The following RFC3 variants were observed in gnomAD, a reference collection of about 807,000 sequenced individuals.
RFC3 encodes A1 38 kDa subunit.
Under a neutral mutation model 45.1 loss-of-function variants are expected in RFC3, and 41 were observed. The ratio of observed to expected loss-of-function variants is 0.91; its 90% CI spans 0.71 to 1.18. The LOEUF is 1.18. Ranked by LOEUF, RFC3 falls within the 50% of genes most tolerant of loss-of-function variation. The probability of loss-of-function intolerance (pLI) is 0.00; values close to 1 mark genes in which losing one functional copy is unlikely to be tolerated. For missense variants in RFC3, 423 were observed against 428.1 expected, an observed-to-expected ratio of 0.99 and a Z score of 0.10; for synonymous variants, 149 against 144.0, an observed-to-expected ratio of 1.03 and a Z score of -0.25.
intron 8 of RFC3, among the ~76,000 whole-genome samples, chr13:33,890,444 A>G (rs1408955271): frequency 6.6e-6 from 1 of 152,190 alleles, no homozygotes; most frequent in African/African-American, 2.4e-5. Flanking sequence ...AGAAGGGATT[A>G]TATCCTAGAT....
chr13:33,818,405 G>A (rs2081968591), intron 1 of RFC3, 140 bp downstream of exon 1: 1 of 641,438 alleles, frequency 1.6e-6, no homozygotes, highest in Non-Finnish European at 2.7e-6. Flanking sequence ...AGGGAAGGGG[G>A]AAGAGGTGTG....
chr13:33,867,234 C>T lies in RFC3; in HGVS notation c.879+32017C>T, dbSNP rs577057538. Among the ~76,000 whole-genome samples the T allele has an allele frequency of 1.5e-3, 223 of 152,288 alleles. 1 individual carries two copies. Among genetic ancestry groups the T allele is most frequent in the Non-Finnish European group, 2.7e-3 (187 of 68,030 alleles). ...CCGATTTTACAAAATCCAGAATACA[C>T]TCTAAACTGTCAACTGAAACACAGT... is the stretch of plus-strand genomic sequence containing the variant. On this transcript the variant is annotated intron_variant, in intron 8 of 8. Coordinates refer to the RFC3 transcript ENST00000434425.
At chr13:33,971,811 GTTTAC>G in the RFC3 span, among the ~76,000 whole-genome samples, 1 of 152,116 alleles carries the variant, frequency 6.6e-6, no homozygotes, top group Non-Finnish European at 1.5e-5. Context: ...TTCTCTTGGT[GTTTAC>G]TTTAAAAATT....
intron 8 of RFC3, chr13:33,835,562 GT>G: frequency 2.2e-6 from 1 of 460,460 alleles, no homozygotes; most frequent in African/African-American, 2.0e-5. Flanking sequence ...CCACCCATCC[GT>G]TTTCACAAAG....
At chr13:33,860,802 G>T (rs1422221042) in intron 8 of RFC3, among the ~76,000 whole-genome samples, 2 of 152,186 alleles carry the variant, frequency 1.3e-5, no homozygotes, top group African/African-American at 4.8e-5. Context: ...CTCCTGGTTA[G>T]TGATACTTCA....
At chr13:33,818,325 GC>G (rs960447288) in intron 1 of RFC3, 60 bp downstream of exon 1, 5 of 1,415,728 alleles carry the variant, frequency 3.5e-6, no homozygotes, top group Admixed American at 1.7e-5. Flanking sequence ...GGGGTTTCGC[GC>G]CCCCCTGAGG....
At chr13:33,919,190 A>G (rs2137726572) in intron 8 of RFC3, among the ~76,000 whole-genome samples, 1 of 152,252 alleles carries the variant, frequency 6.6e-6, no homozygotes, top group East Asian at 1.9e-4. Context: ...CAGTACATTC[A>G]TGGGCGCAGT....
At chr13:33,928,843 A>C (rs56944454) in intron 8 of RFC3, among the ~76,000 whole-genome samples, 4 of 151,636 alleles carry the variant, frequency 2.6e-5, no homozygotes, top group African/African-American at 9.7e-5. Context: ...CTGGGGGGGG[A>C]AGTGAAAACT....
intron 8 of RFC3, among the ~76,000 whole-genome samples, chr13:33,924,013 A>G (rs9528354): frequency 0.22 from 33,346 of 152,080 alleles, 4,731 homozygotes; most frequent in Non-Finnish European, 0.32. Flanking sequence ...GGCTGGCACC[A>G]GGGCTCAGCG....
chr13:33,819,164 T>C (rs1277083307), intron 1 of RFC3, among the ~76,000 whole-genome samples: 1 of 152,210 alleles, frequency 6.6e-6, no homozygotes, highest in African/African-American at 2.4e-5. Context: ...AGTGCTGGGA[T>C]TACAGGCGTG....
At chr13:33,925,211 T>G (rs1397355486) in intron 8 of RFC3, among the ~76,000 whole-genome samples, 2 of 121,440 alleles carry the variant, frequency 1.6e-5, no homozygotes, top group Non-Finnish European at 1.7e-5. Flanking sequence ...CATACACATA[T>G]AGTGTACTAT....
At position 33,829,982 on chromosome 13, in the gene RFC3, T is replaced by C; in HGVS notation, c.538T>C (p.Leu180=). The change falls in exon 5 of 9, where the codon TTG becomes CTG. Residue 180 remains leucine, a synonymous_variant. Coordinates refer to ENST00000380071, the MANE Select transcript of RFC3 (RefSeq NM_002915.4). The part of the protein sequence containing the change: ...KVIPPIRSRC[L]AVRVPAPSIE... Reference sequence around the variant, plus strand: ...GATCCCACCTATTCGTAGTAGGTGCTTGGCGGTTCGTGTGCCTGCTCCCAG... The same window carrying C: ...GATCCCACCTATTCGTAGTAGGTGCCTGGCGGTTCGTGTGCCTGCTCCCAG... 1 of 1,614,132 alleles carries C rather than the reference T, an allele frequency of 6.2e-7. No individual in the cohort carries two copies. The highest frequency in any genetic ancestry group is 8.5e-7 in the Non-Finnish European group (1 of 1,179,984).
chr13:33,926,681 G>A (rs1013387260), intron 8 of RFC3, among the ~76,000 whole-genome samples: 74 of 151,298 alleles, frequency 4.9e-4, no homozygotes, highest in Non-Finnish European at 9.1e-4. Flanking sequence ...TAATTTTGTG[G>A]TACTCTATAG....
Position 33,925,387 on chromosome 13 carries a change from T to TATAC in RFC3, c.880-40692_880-40689dup, listed in dbSNP as rs954302166. Among the ~76,000 whole-genome samples, 127 of 124,712 alleles carry TATAC rather than the reference T, an allele frequency of 1.0e-3. 5 individuals are homozygous for TATAC. The highest frequency in any genetic ancestry group is 5.0e-3 in the African/African-American group (118 of 23,522). 81.8% of individuals were successfully genotyped at this position (124,712 alleles called of 152,430 possible). A position where few individuals can be genotyped will look rare whatever the true frequency, so the allele number is the denominator to read the frequency against. ...CTATATACATACATATAGTGTACTA[T>TATAC]ATACATACATAGTGTACTATATACA... On this transcript the variant is annotated intron_variant, in intron 8 of 8. Coordinates refer to the RFC3 transcript ENST00000434425.
intron 8 of RFC3, among the ~76,000 whole-genome samples, chr13:33,878,771 C>T (rs917473348): frequency 4.6e-5 from 7 of 152,130 alleles, no homozygotes; most frequent in African/African-American, 1.4e-4. Context: ...ATACCAGCTT[C>T]CATGAGCTTA....
chr13:33,917,548 T>TC (rs1245686062), intron 8 of RFC3, among the ~76,000 whole-genome samples: 3 of 152,148 alleles, frequency 2.0e-5, no homozygotes, highest in Non-Finnish European at 2.9e-5. Flanking sequence ...AGTTGCTCTC[T>TC]GTAGGCCTCA....
chr13:33,936,179 T>C (rs1340498924), intron 8 of RFC3, among the ~76,000 whole-genome samples: 1 of 152,118 alleles, frequency 6.6e-6, no homozygotes, highest in Non-Finnish European at 1.5e-5. Context: ...GTCATTATTA[T>C]GAAATCTGGG....
intron 8 of RFC3, among the ~76,000 whole-genome samples, chr13:33,897,697 T>C (rs1276861022): frequency 6.6e-6 from 1 of 151,920 alleles, no homozygotes; most frequent in East Asian, 1.9e-4. Context: ...AAGGCACACA[T>C]AGACTGAAAG....
chr13:33,878,611 C>T (rs148683544), intron 8 of RFC3, among the ~76,000 whole-genome samples: 9 of 152,252 alleles, frequency 5.9e-5, no homozygotes, highest in African/African-American at 1.9e-4. Context: ...TGGTAGGCAG[C>T]TGGACACATG....
Sources: gnomAD v4.1 joint callset for allele counts (sites outside exome capture counted in the v4.1 genomes callset) on GRCh38, gnomAD v4.1.1 for gene constraint, MANE v1.5 for transcripts, NCBI Gene and HGNC (gene_info 2026-07-23, HGNC 2026-07-21) for gene names.